Variants in ZNF320 observed in about 807,000 individuals in gnomAD.
ZNF320 encodes the protein zinc finger protein 320.
In ZNF320, 2 loss-of-function variants were observed where a neutral mutation model predicts 6.8. The ratio of observed to expected loss-of-function variants is 0.29; its 90% CI spans 0.12 to 0.93. ZNF320 has a LOEUF of 0.93. ZNF320 is among the 40% of genes least tolerant of loss of function. The probability of loss-of-function intolerance (pLI) is 0.55; values close to 1 mark genes in which losing one functional copy is unlikely to be tolerated. For synonymous variants in ZNF320, 208 were observed against 203.2 expected, an observed-to-expected ratio of 1.02 and a Z score of -0.20; for missense variants, 472 against 611.0, an observed-to-expected ratio of 0.77 and a Z score of 2.40.
At chr19:52,863,468 G>A (rs2063497925) in exon 6 of ZNF320, among the ~76,000 whole-genome samples, 1 of 151,972 alleles carries the variant, frequency 6.6e-6, no homozygotes, top group South Asian at 2.1e-4. Flanking sequence ...ATGGTGGCAT[G>A]TGCCTGCAAT....
intron 2 of ZNF320, chr19:52,892,077 C>G (rs1387044611): frequency 6.6e-6 from 1 of 152,208 alleles, no homozygotes; most frequent in African/African-American, 2.4e-5. Flanking sequence ...ACCTTGAAAA[C>G]AGGGAGGCCA....
chr19:52,891,971 A>G (rs1247719970), intron 2 of ZNF320: 3 of 152,356 alleles, frequency 2.0e-5, no homozygotes, highest in African/African-American at 7.2e-5. Flanking sequence ...TTCTTTTGCA[A>G]CGTTCTGATG....
At chr19:52,898,879 C>G (rs28415685), upstream of ZNF320, among the ~76,000 whole-genome samples, 2 of 151,768 alleles carry the variant, frequency 1.3e-5, no homozygotes, top group African/African-American at 4.9e-5. Context: ...CAGGCAGGCC[C>G]AGGCCTGGTT....
At position 52,880,706 on chromosome 19, in the gene ZNF320, A is replaced by C. The variant is rs2063888363; in HGVS notation, c.1420T>G (p.Cys474Gly). 1.9e-6 allele frequency: 3 copies of C among 1,613,896 alleles called. No homozygotes were observed. The highest frequency in any genetic ancestry group is 2.5e-6 in the Non-Finnish European group (3 of 1,179,850). Residue 474 changes from cysteine (C) to glycine (G), a missense_variant, in exon 6 of 6, where the codon TGT (cysteine) becomes GGT (glycine). By Grantham distance (159) the Cys-to-Gly change is radical. Coordinates refer to ENST00000682928, the MANE Select transcript of ZNF320 (RefSeq NM_001351774.2). The stretch of plus-strand genomic sequence containing the variant: ...GACCTCAGACTAAAGACCTTGCCAC[A>C]CTGATGACATTTGTAAGATTTCTGT... ...TGQKSYKCHQCGKVFSLRSLL... is the reference protein window; with the variant it reads ...TGQKSYKCHQGGKVFSLRSLL...
upstream of ZNF320, among the ~76,000 whole-genome samples, chr19:52,898,591 G>T (rs187585408): frequency 9.5e-4 from 144 of 152,354 alleles, no homozygotes; most frequent in African/African-American, 3.0e-3. Context: ...GCTTTATTCA[G>T]CTGGGAGCGT....
upstream of ZNF320, among the ~76,000 whole-genome samples, chr19:52,902,629 C>T (rs1321920080): frequency 1.3e-5 from 2 of 152,256 alleles, no homozygotes; most frequent in South Asian, 2.1e-4. Context: ...AGCTGAACAC[C>T]ATTTTATATT....
chr19:52,861,004 A>AAAACAAACAAACAAAC (rs142015174), exon 6 of ZNF320, among the ~76,000 whole-genome samples: 2 of 150,406 alleles, frequency 1.3e-5, no homozygotes, highest in African/African-American at 5.0e-5. Context: ...GATTCCGTCA[A>AAAACAAACAAACAAAC]AAACAAACAA....
At chr19:52,904,108 C>A in the ZNF320 span, among the ~76,000 whole-genome samples, 1 of 152,344 alleles carries the variant, frequency 6.6e-6, no homozygotes, top group African/African-American at 2.4e-5. Context: ...TTAGTCTTAC[C>A]AAGTTTCAGA....
chr19:52,867,254 G>C (rs2063593769), intron 5 of ZNF320, among the ~76,000 whole-genome samples: 1 of 152,104 alleles, frequency 6.6e-6, no homozygotes, highest in African/African-American at 2.4e-5. Context: ...CTGGAGTGCA[G>C]TGGCATGGTC....
chr19:52,895,949 T>C (rs1022507757), intron 1 of ZNF320, among the ~76,000 whole-genome samples: 1 of 152,104 alleles, frequency 6.6e-6, no homozygotes, highest in Non-Finnish European at 1.5e-5. Flanking sequence ...TAGAGAAACT[T>C]TTAAAATGGT....
At chr19:52,891,906 T>C (rs12977727) in intron 2 of ZNF320, among the ~76,000 whole-genome samples, 23,861 of 152,218 alleles carry the variant, frequency 0.16, 1,980 homozygotes, top group East Asian at 0.27. Context: ...GTTGGTCTTA[T>C]CACCTCTCTT....
At chr19:52,899,993 G>A (rs1050654320), upstream of ZNF320, among the ~76,000 whole-genome samples, 8 of 152,110 alleles carry the variant, frequency 5.3e-5, no homozygotes, top group South Asian at 2.1e-4. Flanking sequence ...GCTATGCTTC[G>A]TTTTTCACAG....
exon 6 of ZNF320, chr19:52,863,998 C>T (rs1241722604): frequency 2.2e-6 from 1 of 462,084 alleles, no homozygotes; most frequent in Non-Finnish European, 4.1e-6. Context: ...TACACAAGGA[C>T]AGATTCTTCA....
intron 5 of ZNF320, among the ~76,000 whole-genome samples, chr19:52,868,445 G>T (rs1219083810): frequency 1.3e-5 from 2 of 151,722 alleles, no homozygotes; most frequent in Non-Finnish European, 2.9e-5. Context: ...GGCGGAGGTT[G>T]TGGTGAGCTC....
Position 52,878,395 on chromosome 19 carries a change from G to C in ZNF320, c.*2201C>G, listed in dbSNP as rs565855521. ...CTCCTGAGTAGCTGGGACTACAGGC[G>C]CCCACAACCACGCCTGGCTAATTTT... On this transcript the variant is annotated 3_prime_UTR_variant, in exon 6 of 6. Transcript: ENST00000682928. 1 of 151,996 alleles carries C rather than the reference G, an allele frequency of 6.6e-6. No individual in the cohort carries two copies. Among genetic ancestry groups the C allele is most frequent in the East Asian group, 1.9e-4 (1 of 5,146 alleles). The allele number at this position is 151,996 out of a possible 1,614,324, so 9.4% of individuals were successfully genotyped here. A position where few individuals can be genotyped will look rare whatever the true frequency, so the allele number is the denominator to read the frequency against.
At chr19:52,897,871 G>A (rs1305938915), upstream of ZNF320, among the ~76,000 whole-genome samples, 1 of 152,266 alleles carries the variant, frequency 6.6e-6, no homozygotes, top group African/African-American at 2.4e-5. Flanking sequence ...AGGGGTCGGC[G>A]GGGGCGAGAA....
chr19:52,875,389 G>C (rs1472113350), downstream of ZNF320, among the ~76,000 whole-genome samples: 10 of 152,218 alleles, frequency 6.6e-5, no homozygotes, highest in African/African-American at 1.9e-4. Flanking sequence ...GGTTAAAGCT[G>C]TGAGATGAGA....
At chr19:52,869,963 G>A (rs1347451587) in intron 5 of ZNF320, among the ~76,000 whole-genome samples, 4 of 151,212 alleles carry the variant, frequency 2.6e-5, no homozygotes, top group South Asian at 4.2e-4. Flanking sequence ...TGATCCACCC[G>A]CCTCAGCCTC....
At chr19:52,883,528 T>A in intron 5 of ZNF320, 1 of 434,522 alleles carries the variant, frequency 2.3e-6, no homozygotes, top group East Asian at 7.5e-5. Flanking sequence ...GTACACAACA[T>A]AAGAACTGAA....
Sources: allele counts gnomAD v4.1 joint callset (sites outside exome capture counted in the v4.1 genomes callset), GRCh38; gene constraint gnomAD v4.1.1; transcripts MANE v1.5; gene names NCBI Gene and HGNC (gene_info 2026-07-23, HGNC 2026-07-21).